Variants in ACTR3C observed in about 807,000 individuals in gnomAD.
ACTR3C encodes the protein actin-related protein 3C.
Under a neutral mutation model 26.3 loss-of-function variants are expected in ACTR3C, and 18 were observed. The ratio of observed to expected loss-of-function variants is 0.68; its 90% CI spans 0.47 to 1.01. The LOEUF is 1.01. Among genes scored for constraint, ACTR3C ranks in the 50% least tolerant of loss-of-function variants. The pLI is 0.00. For synonymous variants in ACTR3C, 55 were observed against 94.5 expected, an observed-to-expected ratio of 0.58 and a Z score of 2.42; for missense variants, 184 against 250.7, an observed-to-expected ratio of 0.73 and a Z score of 1.80.
At chr7:150,041,706 CGCGGGGG>C in the ACTR3C span, among the ~76,000 whole-genome samples, 1 of 123,406 alleles carries the variant, frequency 8.1e-6, no homozygotes, top group African/African-American at 3.9e-5. Flanking sequence ...TCCCCACCCT[CGCGGGGG>C]GTGCCTCCCC....
the ACTR3C span, among the ~76,000 whole-genome samples, chr7:150,041,069 TTC>T: frequency 6.6e-6 from 1 of 150,666 alleles, no homozygotes; most frequent in African/African-American, 2.5e-5. Context: ...CTGCCATCTT[TTC>T]TCTCTCTGAC....
the ACTR3C span, among the ~76,000 whole-genome samples, chr7:149,963,077 G>T: frequency 2.6e-5 from 4 of 152,250 alleles, no homozygotes; most frequent in African/African-American, 9.6e-5. Flanking sequence ...GGGGGGCGTG[G>T]ATGCAGCCTG....
the ACTR3C span, among the ~76,000 whole-genome samples, chr7:149,883,808 G>T: frequency 8.5e-5 from 13 of 152,332 alleles, no homozygotes; most frequent in South Asian, 2.7e-3. Flanking sequence ...GAGCCATCAT[G>T]AGGTGCCAGG....
the ACTR3C span, among the ~76,000 whole-genome samples, chr7:150,213,604 G>A: frequency 1.3e-5 from 2 of 152,154 alleles, no homozygotes; most frequent in African/African-American, 4.8e-5. Flanking sequence ...CTGAGGAAAA[G>A]TTTGGAAATA....
chr7:149,906,918 C>G, the ACTR3C span, among the ~76,000 whole-genome samples: 1 of 17,594 alleles, frequency 5.7e-5, no homozygotes, highest in Non-Finnish European at 1.2e-4. Context: ...CCTGAAGCTG[C>G]GGCAGGACCA....
chr7:150,096,493 T>G, the ACTR3C span, among the ~76,000 whole-genome samples: 14 of 151,534 alleles, frequency 9.2e-5, no homozygotes, highest in Non-Finnish European at 1.9e-4. Context: ...TCAGCAATCT[T>G]AACCTCAACA....
At chr7:150,140,052 A>ACACG in the ACTR3C span, among the ~76,000 whole-genome samples, 1 of 152,118 alleles carries the variant, frequency 6.6e-6, no homozygotes, top group African/African-American at 2.4e-5. Flanking sequence ...TCGCACACAC[A>ACACG]TGCACACACA....
At chr7:150,264,341 T>TA (rs200067899) in intron 6 of ACTR3C, among the ~76,000 whole-genome samples, 37 of 152,166 alleles carry the variant, frequency 2.4e-4, no homozygotes, top group East Asian at 1.4e-3. Flanking sequence ...CAGTGAACTT[T>TA]AAAACTAGGC....
chr7:150,193,991 G>GACACAC, the ACTR3C span, among the ~76,000 whole-genome samples: 168 of 131,960 alleles, frequency 1.3e-3, 1 homozygote, highest in Middle Eastern at 4.1e-3. Flanking sequence ...TACACACACA[G>GACACAC]ACACACACAC....
chr7:150,108,563 TG>T, the ACTR3C span, among the ~76,000 whole-genome samples: 6 of 149,260 alleles, frequency 4.0e-5, no homozygotes, highest in African/African-American at 1.5e-4. Context: ...CAACAGTGTT[TG>T]GGGGGTGGGG....
At chr7:150,045,280 T>A in the ACTR3C span, among the ~76,000 whole-genome samples, 1 of 152,266 alleles carries the variant, frequency 6.6e-6, no homozygotes, top group Non-Finnish European at 1.5e-5. Context: ...GATATGTTCA[T>A]CTATCTTTTA....
the ACTR3C span, among the ~76,000 whole-genome samples, chr7:150,136,510 A>G: frequency 4.6e-5 from 7 of 152,048 alleles, no homozygotes; most frequent in African/African-American, 1.7e-4. Flanking sequence ...TCTCTACTAA[A>G]AATACAAAAA....
At chr7:150,042,536 C>G in the ACTR3C span, among the ~76,000 whole-genome samples, 1 of 150,794 alleles carries the variant, frequency 6.6e-6, no homozygotes, top group Non-Finnish European at 1.5e-5. Context: ...GTCCCAAGAG[C>G]CAGGGGGGGA....
chr7:150,135,098 C>T, the ACTR3C span, among the ~76,000 whole-genome samples: 1 of 152,150 alleles, frequency 6.6e-6, no homozygotes, highest in Non-Finnish European at 1.5e-5. Flanking sequence ...GGGTGAAACC[C>T]CGTTTCTACT....
chr7:150,297,688 C>T (rs994796756), intron 1 of ACTR3C, among the ~76,000 whole-genome samples: 3 of 152,194 alleles, frequency 2.0e-5, no homozygotes, highest in African/African-American at 7.2e-5. Flanking sequence ...CCCATCTCTA[C>T]TAAAAATACA....
chr7:150,133,333 A>G, the ACTR3C span, among the ~76,000 whole-genome samples: 20 of 152,148 alleles, frequency 1.3e-4, no homozygotes. Context: ...CACTACAAGG[A>G]AGGCTTGGTA....
At chr7:150,085,963 TTTTTTC>T in the ACTR3C span, among the ~76,000 whole-genome samples, 4 of 151,706 alleles carry the variant, frequency 2.6e-5, no homozygotes, top group African/African-American at 9.7e-5. Context: ...CCATGATTTT[TTTTTTC>T]TTTTTTCTTT....
chr7:150,203,571 T>C, the ACTR3C span, among the ~76,000 whole-genome samples: 1 of 152,198 alleles, frequency 6.6e-6, no homozygotes, highest in South Asian at 2.1e-4. Flanking sequence ...TTTTCTGTTT[T>C]TTTTGTTTTT....
chr7:149,983,734 T>C, the ACTR3C span, among the ~76,000 whole-genome samples: 1 of 151,940 alleles, frequency 6.6e-6, no homozygotes, highest in Non-Finnish European at 1.5e-5. Flanking sequence ...TAAATGCTCA[T>C]TGACAGATGA....
Sources: gnomAD v4.1 joint callset for allele counts (sites outside exome capture counted in the v4.1 genomes callset) on GRCh38, gnomAD v4.1.1 for gene constraint, MANE v1.5 for transcripts, NCBI Gene and HGNC (gene_info 2026-07-23, HGNC 2026-07-21) for gene names.